DYRK1A: variants seen among roughly 807,000 people sequenced by gnomAD.
DYRK1A encodes the protein dual specificity tyrosine phosphorylation regulated kinase 1A, also known as dual specificity tyrosine-phosphorylation-regulated kinase 1A.
DYRK1A carries 9 observed loss-of-function variants against 79.7 expected under a neutral mutation model. The ratio of observed to expected loss-of-function variants is 0.11; its 90% CI spans 0.07 to 0.20. DYRK1A has a LOEUF of 0.20. DYRK1A is among the 10% of genes least tolerant of loss of function. The pLI, the probability that DYRK1A is intolerant of heterozygous loss-of-function variation, is 1.00. For synonymous variants in DYRK1A, 349 were observed against 329.7 expected, an observed-to-expected ratio of 1.06 and a Z score of -0.63; for missense variants, 622 against 956.0, an observed-to-expected ratio of 0.65 and a Z score of 4.61.
chr21:37,479,594 G>A (rs370313379), intron 4 of DYRK1A, among the ~76,000 whole-genome samples: 3 of 24,292 alleles, frequency 1.2e-4, no homozygotes, highest in Non-Finnish European at 2.2e-4. Flanking sequence ...TTGGTGTTTT[G>A]TTTTTGTTTT....
At chr21:37,466,487 A>G (rs2052029362) in intron 2 of DYRK1A, among the ~76,000 whole-genome samples, 1 of 152,230 alleles carries the variant, frequency 6.6e-6, no homozygotes, top group Admixed American at 6.5e-5. Flanking sequence ...TCATTTATAG[A>G]TACAGCTCAA....
chr21:37,479,593 TGTTTTTGTTTTTG>T (rs1569361963), intron 4 of DYRK1A, among the ~76,000 whole-genome samples: 11 of 66,562 alleles, frequency 1.7e-4, no homozygotes, highest in African/African-American at 1.2e-3. Context: ...GTTGGTGTTT[TGTTTTTGTTTTTG>T]TTTTTGTTTT....
chr21:37,417,485 G>A (rs945052763), intron 1 of DYRK1A, among the ~76,000 whole-genome samples: 10 of 128,220 alleles, frequency 7.8e-5, no homozygotes, highest in African/African-American at 3.0e-4. Flanking sequence ...CACTGCTCCC[G>A]GCCTTGTATT....
At chr21:37,395,281 G>T (rs11700779) in intron 1 of DYRK1A, among the ~76,000 whole-genome samples, 11,485 of 152,178 alleles carry the variant, frequency 0.075, 649 homozygotes, top group Non-Finnish European at 0.11. Flanking sequence ...GCAGAGGTTT[G>T]GATGTTACAG....
rs1395707721 is a variant in DYRK1A at position 37,517,222 on chromosome 21, C to G, written c.*4691C>G. 1 of 152,236 alleles carries G rather than the reference C, an allele frequency of 6.6e-6. No individual in the cohort carries two copies. Among genetic ancestry groups the G allele is most frequent in the African/African-American group, 2.4e-5 (1 of 41,432 alleles). 9.4% of individuals were successfully genotyped at this position (152,236 alleles called of 1,614,324 possible). ...TTAATAAAGTGCATTAAGTTTGGGTCAGGCAAAGTGGTGGCAAAAGTTCAT... is the reference window on the plus strand; with the variant it reads ...TTAATAAAGTGCATTAAGTTTGGGTGAGGCAAAGTGGTGGCAAAAGTTCAT... On this transcript the variant is annotated 3_prime_UTR_variant, in exon 12 of 12. Coordinates refer to ENST00000647188, the MANE Select transcript of DYRK1A (RefSeq NM_001347721.2).
chr21:37,377,529 C>T (rs147952877), intron 1 of DYRK1A, among the ~76,000 whole-genome samples: 1 of 152,276 alleles, frequency 6.6e-6, no homozygotes, highest in Non-Finnish European at 1.5e-5. Flanking sequence ...AGTGCAGTGG[C>T]ATGATCATAG....
At chr21:37,474,428 A>G (rs759121588) in intron 3 of DYRK1A, among the ~76,000 whole-genome samples, 1 of 152,214 alleles carries the variant, frequency 6.6e-6, no homozygotes, top group Non-Finnish European at 1.5e-5. Context: ...TACTCAGCCA[A>G]ATATTTCTGC....
chr21:37,411,403 G>A (rs1019714333), intron 1 of DYRK1A, among the ~76,000 whole-genome samples: 2 of 138,738 alleles, frequency 1.4e-5, no homozygotes, highest in Non-Finnish European at 3.0e-5. Flanking sequence ...ACTACATGAA[G>A]GTTTGTAGTT....
intron 1 of DYRK1A, among the ~76,000 whole-genome samples, chr21:37,403,642 AAAAAAAAT>A (rs1269606915): frequency 1.9e-4 from 19 of 101,004 alleles, no homozygotes; most frequent in African/African-American, 7.4e-4. Flanking sequence ...ATTAAAAAAA[AAAAAAAAT>A]ATATATATAT....
chr21:37,501,645 C>T (rs187622883), intron 9 of DYRK1A: 8 of 152,220 alleles, frequency 5.3e-5, no homozygotes, highest in Admixed American at 3.3e-4. Context: ...CCTTTAAAAT[C>T]GAGACTTGTT....
At chr21:37,366,344 T>A (rs907567967), upstream of DYRK1A, among the ~76,000 whole-genome samples, 4 of 142,554 alleles carry the variant, frequency 2.8e-5, no homozygotes, top group African/African-American at 1.0e-4. Flanking sequence ...CGCGGGGCGC[T>A]AGGGCTGCGG....
chr21:37,389,021 A>C lies in DYRK1A; in HGVS notation c.-77+21393A>C, dbSNP rs369938353. 3.4e-4 allele frequency among the ~76,000 whole-genome samples: 51 copies of C among 151,372 alleles called. 1 individual carries two copies. The East Asian group carries it at 9.8e-3, about 29-fold the overall frequency. ...TGCCCAGGCTGGAGTGCAGTGGCCA[A>C]AAAAAAGCTTTTAAATTAAAAAAAA... On this transcript the variant is annotated intron_variant, in intron 1 of 11. Transcript: ENST00000647188.
Position 37,518,496 on chromosome 21 carries a change from G to A in DYRK1A, c.*5965G>A, listed in dbSNP as rs964887639. ...CTAGCAGGATTTTAGATTCAGAGTT[G>A]GGGTGGGGCCTGGAGCTCTGTTTTC... On this transcript the variant is annotated 3_prime_UTR_variant, in exon 12 of 12. Coordinates refer to ENST00000647188, the MANE Select transcript of DYRK1A (RefSeq NM_001347721.2). 1 of 152,226 alleles carries A rather than the reference G, an allele frequency of 6.6e-6. No individual in the cohort carries two copies. Among genetic ancestry groups the A allele is most frequent in the Non-Finnish European group, 1.5e-5 (1 of 68,064 alleles). 9.4% of individuals were successfully genotyped at this position (152,226 alleles called of 1,614,324 possible).
chr21:37,480,617 C>T, intron 4 of DYRK1A, 21 bp from the exon 5 acceptor site: 3 of 1,546,782 alleles, frequency 1.9e-6, no homozygotes, highest in South Asian at 1.3e-5. Context: ...TTACAGTTAA[C>T]ACTATGTATT....
chr21:37,452,239 G>A (rs531193520), intron 2 of DYRK1A, among the ~76,000 whole-genome samples: 1 of 151,784 alleles, frequency 6.6e-6, no homozygotes, highest in South Asian at 2.1e-4. Flanking sequence ...TTATTGTAGG[G>A]GATTCCCCTG....
chr21:37,458,050 G>A (rs1164812113), intron 2 of DYRK1A, among the ~76,000 whole-genome samples: 3 of 152,200 alleles, frequency 2.0e-5, no homozygotes, highest in Non-Finnish European at 4.4e-5. Flanking sequence ...GGCCGCCTCT[G>A]TGTGTTCTGA....
At position 37,519,728 on chromosome 21, in the gene DYRK1A, T is replaced by G. The variant is rs1222721156; in HGVS notation, c.*7197T>G. ...TCTATTTAAGAGTTTTGAGGTTTGT[T>G]GTGGGAAGTTTTTTTTTTTTTTTTT... On this transcript the variant is annotated 3_prime_UTR_variant, in exon 12 of 12. Coordinates refer to ENST00000647188, the MANE Select transcript of DYRK1A (RefSeq NM_001347721.2). 3 of 124,970 alleles carry G rather than the reference T, an allele frequency of 2.4e-5. No homozygotes were observed. Among genetic ancestry groups the G allele is most frequent in the African/African-American group, 6.0e-5 (2 of 33,496 alleles). 7.7% of individuals were successfully genotyped at this position (124,970 alleles called of 1,614,324 possible). A position where few individuals can be genotyped will look rare whatever the true frequency, so the allele number is the denominator to read the frequency against.
At chr21:37,498,675 AT>A (rs2053348284) in intron 9 of DYRK1A, among the ~76,000 whole-genome samples, 1 of 152,152 alleles carries the variant, frequency 6.6e-6, no homozygotes, top group African/African-American at 2.4e-5. Context: ...ATATGTTTTC[AT>A]CTCTCTGACA....
intron 9 of DYRK1A, among the ~76,000 whole-genome samples, chr21:37,497,655 AT>A (rs1366308506): frequency 1.3e-5 from 2 of 151,838 alleles, no homozygotes; most frequent in Admixed American, 6.6e-5. Flanking sequence ...TGCTTCTGCT[AT>A]TTTTTTTCCT....
Sources: allele counts gnomAD v4.1 joint callset (sites outside exome capture counted in the v4.1 genomes callset), GRCh38; gene constraint gnomAD v4.1.1; transcripts MANE v1.5; gene names NCBI Gene and HGNC (gene_info 2026-07-23, HGNC 2026-07-21).